The following STAU1 variants were observed in gnomAD, a reference collection of about 807,000 sequenced individuals.
The protein encoded by STAU1 is double-stranded RNA-binding protein Staufen homolog 1.
STAU1 carries 13 observed loss-of-function variants against 62.9 expected under a neutral mutation model. The ratio of observed to expected loss-of-function variants is 0.21; its 90% confidence interval spans 0.13 to 0.33. The LOEUF (loss-of-function observed/expected upper bound fraction) is 0.33, where lower values mean the gene tolerates loss of function less well. Among genes scored for constraint, STAU1 ranks in the 10% least tolerant of loss-of-function variants. The pLI is 1.00. For missense variants in STAU1, 571 were observed against 712.1 expected, an observed-to-expected ratio of 0.80 and a Z score of 2.25; for synonymous variants, 269 against 265.1, an observed-to-expected ratio of 1.01 and a Z score of -0.14.
At chr20:49,210,337 G>A in the STAU1 span, 1 of 441,674 alleles carries the variant, frequency 2.3e-6, no homozygotes, top group Non-Finnish European at 4.6e-6. Flanking sequence ...ATTTAGCTGG[G>A]TATACAATGC....
the STAU1 span, among the ~76,000 whole-genome samples, chr20:49,215,350 G>T: frequency 6.6e-6 from 1 of 152,102 alleles, no homozygotes; most frequent in African/African-American, 2.4e-5. Context: ...TCACCTGTAT[G>T]TATCACCTGG....
At chr20:49,165,520 G>C (rs1197683241) in intron 3 of STAU1, among the ~76,000 whole-genome samples, 1 of 151,408 alleles carries the variant, frequency 6.6e-6, no homozygotes, top group African/African-American at 2.4e-5. Flanking sequence ...ATTTTTTGTA[G>C]AGGCAGGGTT....
intron 1 of STAU1, among the ~76,000 whole-genome samples, chr20:49,179,563 T>G (rs954359495): frequency 6.6e-6 from 1 of 152,244 alleles, no homozygotes; most frequent in South Asian, 2.1e-4. Flanking sequence ...ATGAGACTTA[T>G]TATTACATAT....
At chr20:49,130,520 C>A (rs1351478181) in intron 6 of STAU1, among the ~76,000 whole-genome samples, 1 of 151,912 alleles carries the variant, frequency 6.6e-6, no homozygotes, top group Non-Finnish European at 1.5e-5. Flanking sequence ...TTAAAGGGCA[C>A]AAGGGCCAAT....
chr20:49,213,162 T>C, the STAU1 span, among the ~76,000 whole-genome samples: 66 of 151,882 alleles, frequency 4.3e-4, no homozygotes, highest in Admixed American at 3.1e-3. Context: ...CACACTACCA[T>C]GTTTGGCTAC....
chr20:49,212,186 G>A, the STAU1 span, among the ~76,000 whole-genome samples: 1 of 151,972 alleles, frequency 6.6e-6, no homozygotes, highest in Admixed American at 6.6e-5. Context: ...ACAGGGTTTT[G>A]CCATGTTGCC....
chr20:49,209,853 C>T, the STAU1 span, among the ~76,000 whole-genome samples: 2 of 152,004 alleles, frequency 1.3e-5, no homozygotes, highest in African/African-American at 4.8e-5. Context: ...TCGAGACTAT[C>T]CTAGCCAACA....
chr20:49,204,644 ATATTTTTTTTTTTTTT>A, the STAU1 span, among the ~76,000 whole-genome samples: 1 of 41,438 alleles, frequency 2.4e-5, no homozygotes, highest in African/African-American at 1.1e-4. Context: ...ATATATATAT[ATATTTTTTTTTTTTTT>A]TTTTTTTTTT....
the STAU1 span, among the ~76,000 whole-genome samples, chr20:49,211,239 G>A: frequency 2.6e-5 from 4 of 152,016 alleles, no homozygotes; most frequent in African/African-American, 9.7e-5. Context: ...CATTTGAGTT[G>A]TTTCTGCCTT....
chr20:49,138,156 A>G (rs966420397), intron 5 of STAU1, among the ~76,000 whole-genome samples: 1 of 152,078 alleles, frequency 6.6e-6, no homozygotes, highest in Non-Finnish European at 1.5e-5. Context: ...GGTGTCGCAC[A>G]TCTGTGGTCC....
intron 4 of STAU1, among the ~76,000 whole-genome samples, chr20:49,152,340 CTTTTT>C (rs3092547): frequency 9.6e-6 from 1 of 104,574 alleles, no homozygotes; most frequent in East Asian, 2.9e-4. Flanking sequence ...CCACTAATGT[CTTTTT>C]TTTTTTTTTT....
chr20:49,159,467 A>G (rs1266586738), intron 3 of STAU1, among the ~76,000 whole-genome samples: 2 of 152,246 alleles, frequency 1.3e-5, no homozygotes, highest in Non-Finnish European at 2.9e-5. Context: ...TATAATAAAA[A>G]GTTAATAAAG....
chr20:49,192,074 C>T (rs1245160340), upstream of STAU1, among the ~76,000 whole-genome samples: 7 of 150,398 alleles, frequency 4.7e-5, no homozygotes, highest in East Asian at 2.0e-4. Flanking sequence ...AGGCTGGGCA[C>T]GGTGGTTCAC....
At chr20:49,202,231 AAAGAAAG>A in the STAU1 span, among the ~76,000 whole-genome samples, 19 of 44,438 alleles carry the variant, frequency 4.3e-4, no homozygotes, top group East Asian at 9.6e-4. Context: ...AAAAAAAAAA[AAAGAAAG>A]AAAGAAAGAA....
chr20:49,165,849 A>G (rs2146389483), intron 3 of STAU1, 148 bp downstream of exon 3: 5 of 742,206 alleles, frequency 6.7e-6, no homozygotes, highest in Admixed American at 2.4e-5. Context: ...CCAGTGTTCT[A>G]TATCTGGGAT....
chr20:49,137,972 G>A (rs748006300), intron 5 of STAU1, among the ~76,000 whole-genome samples: 17 of 151,724 alleles, frequency 1.1e-4, no homozygotes, highest in Non-Finnish European at 8.8e-5. Context: ...GAGCCACCGT[G>A]TCTGGCCACT....
At chr20:49,199,452 A>G in the STAU1 span, among the ~76,000 whole-genome samples, 1 of 150,376 alleles carries the variant, frequency 6.6e-6, no homozygotes. Context: ...GATGGTCTCA[A>G]TCTCTTGACC....
At chr20:49,208,054 G>T in the STAU1 span, among the ~76,000 whole-genome samples, 2 of 150,918 alleles carry the variant, frequency 1.3e-5, no homozygotes, top group Non-Finnish European at 3.0e-5. Context: ...CTAATTTTTT[G>T]TTTGTTTGTT....
chr20:49,131,958 A>T (rs1408989300), intron 6 of STAU1, among the ~76,000 whole-genome samples: 1 of 152,072 alleles, frequency 6.6e-6, no homozygotes, highest in South Asian at 2.1e-4. Flanking sequence ...TTTTAGATAG[A>T]TTTGAAATTT....
Sources: allele counts gnomAD v4.1 joint callset (sites outside exome capture counted in the v4.1 genomes callset), GRCh38; gene constraint gnomAD v4.1.1; transcripts MANE v1.5; gene names NCBI Gene and HGNC (gene_info 2026-07-23, HGNC 2026-07-21).